KNTC1: variants seen among roughly 807,000 people sequenced by gnomAD.
KNTC1 encodes kinetochore associated 1, also known as kinetochore-associated protein 1.
KNTC1 carries 253 observed loss-of-function variants against 314.4 expected under a neutral mutation model. That is an observed-to-expected ratio of 0.80 (90% confidence interval 0.73 to 0.89). The LOEUF (loss-of-function observed/expected upper bound fraction) is 0.89, where lower values mean the gene tolerates loss of function less well. Ranked by LOEUF, KNTC1 falls within the 40% of genes least tolerant of loss-of-function variation. The pLI is 0.00. For missense variants in KNTC1, 2,475 were observed against 2,572.9 expected (o/e 0.96, Z 0.82); for synonymous variants, 901 against 901.4 (o/e 1.00, Z 0.01).
chr12:122,551,316 T>A lies in KNTC1; in HGVS notation c.1087-3T>A. On this transcript the variant is annotated splice_region_variant and splice_polypyrimidine_tract_variant and intron_variant, in intron 13 of 63. Coordinates refer to ENST00000333479, the MANE Select transcript of KNTC1 (RefSeq NM_014708.6). ...TTTTAATCATGTTTTTTTGTTATTG[T>A]AGGATACCATATACCTTTTAGAAGG... The A allele has an allele frequency of 6.5e-7, 1 of 1,548,266 alleles. No individual in the cohort carries two copies. Among genetic ancestry groups the A allele is most frequent in the Non-Finnish European group, 8.9e-7 (1 of 1,128,404 alleles).
intron 51 of KNTC1, among the ~76,000 whole-genome samples, chr12:122,606,785 T>TA (rs745393131): frequency 4.6e-5 from 7 of 152,252 alleles, no homozygotes; most frequent in East Asian, 1.9e-4. Context: ...TTGATACTCT[T>TA]ACGATATTTT....
intron 18 of KNTC1, among the ~76,000 whole-genome samples, chr12:122,559,263 G>A (rs933509660): frequency 1.3e-5 from 2 of 152,028 alleles, no homozygotes; most frequent in Admixed American, 6.6e-5. Flanking sequence ...GAAGGTAATC[G>A]CTTCAACCTG....
intron 43 of KNTC1, among the ~76,000 whole-genome samples, chr12:122,596,974 ACTT>A (rs1296346925): frequency 6.6e-6 from 1 of 151,544 alleles, no homozygotes; most frequent in African/African-American, 2.4e-5. Context: ...TTCCTTTTCT[ACTT>A]CTTTAAGATG....
chr12:122,614,894 G>T, intron 55 of KNTC1, 97 bp from the exon 56 acceptor site: 1 of 706,498 alleles, frequency 1.4e-6, no homozygotes. Context: ...AAAAAAAAAA[G>T]CAGCATATTT....
At position 122,600,280 on chromosome 12, in the gene KNTC1, A is replaced by T. The variant is rs976969208; in HGVS notation, c.4564-1256A>T. ...ATGCCGGCTAATTTTTGTATTTTTA[A>T]TAGAGACAAGATTTCGCCATGTTGG... On this transcript the variant is annotated intron_variant, in intron 44 of 63. Coordinates refer to ENST00000333479, the MANE Select transcript of KNTC1 (RefSeq NM_014708.6). Among the ~76,000 whole-genome samples the T allele has an allele frequency of 9.9e-5, 15 of 152,016 alleles. 1 individual carries two copies. The highest frequency in any genetic ancestry group is 3.6e-4 in the African/African-American group (15 of 41,392).
chr12:122,541,992 C>T (rs527966473), intron 5 of KNTC1, 58 bp from the exon 6 acceptor site: 39 of 1,445,110 alleles, frequency 2.7e-5, no homozygotes, highest in African/African-American at 2.3e-4. Context: ...TCCAGCCTAG[C>T]GACAGAATGA....
At chr12:122,536,873 A>G (rs1216543287) in intron 3 of KNTC1, among the ~76,000 whole-genome samples, 1 of 152,218 alleles carries the variant, frequency 6.6e-6, no homozygotes, top group Non-Finnish European at 1.5e-5. Context: ...ATAAGAACTT[A>G]GACAACTGAA....
rs1340519846 is a variant in KNTC1, at chr12:122,588,692, TTTTTCTTC to T, written c.3895-13_3895-6del. 2 of 1,474,892 alleles carry T rather than the reference TTTTTCTTC, an allele frequency of 1.4e-6. No homozygotes were observed. Among genetic ancestry groups the T allele is most frequent in the African/African-American group, 2.9e-5 (2 of 69,672 alleles). 91.4% of individuals were successfully genotyped at this position (1,474,892 alleles called of 1,614,324 possible). A position where few individuals can be genotyped will look rare whatever the true frequency, so the allele number is the denominator to read the frequency against. On this transcript the variant is annotated splice_polypyrimidine_tract_variant and intron_variant, in intron 39 of 63. Coordinates refer to ENST00000333479, the MANE Select transcript of KNTC1 (RefSeq NM_014708.6). ...TTATATAGAACTAGACCTAAATATTTTTTTCTTCTTTTCTAAAAGTTATTTGGAGAGAC... is the reference window on the plus strand; with the variant it reads ...TTATATAGAACTAGACCTAAATATTTTTTTCTAAAAGTTATTTGGAGAGAC...
chr12:122,593,287 CAG>C (rs1870566807), intron 42 of KNTC1: 2 of 138,452 alleles, frequency 1.4e-5, no homozygotes, highest in African/African-American at 5.6e-5. Context: ...TTTTTTGAGA[CAG>C]AGTCTTGCTC....
rs370713770 is a variant in KNTC1, at chr12:122,626,225, G to A, written c.6627G>A (p.Ser2209=). Residue 2209 remains serine, a synonymous_variant, in exon 64 of 64, where the codon TCG becomes TCA. Transcript: ENST00000333479. ...EILKMFLSGL[S] is the part of the protein sequence containing the mutation. ...TTTAGATGTTTCTTAGTGGATTATC[G>A]TAAATCACTGAACCTTTTTTTCAAG... 1.5e-5 allele frequency: 24 copies of A among 1,586,300 alleles called. No homozygotes were observed. The highest frequency in any genetic ancestry group is 2.7e-5 in the African/African-American group (2 of 74,470).
In KNTC1 at chr12:122,535,747, C is replaced by A. The variant is rs1593478350; in HGVS notation, c.250+963C>A. Among the ~76,000 whole-genome samples, 3 of 151,530 alleles carry A rather than the reference C, an allele frequency of 2.0e-5. No individual in the cohort carries two copies. In the East Asian group the frequency reaches 5.9e-4, roughly 30 times the overall value. On this transcript the variant is annotated intron_variant, in intron 3 of 63. Coordinates refer to ENST00000333479, the MANE Select transcript of KNTC1 (RefSeq NM_014708.6). ...AGGAGAATCGCTTGATCCCAGGAGGCAGAGGTTGCAGTGAGCCAAGATTAT... is the reference window on the plus strand; with the variant it reads ...AGGAGAATCGCTTGATCCCAGGAGGAAGAGGTTGCAGTGAGCCAAGATTAT...
Position 122,603,230 on chromosome 12 carries a change from G to C in KNTC1, c.5088G>C (p.Gln1696His). The stretch of plus-strand genomic sequence containing the variant: ...TAGCTATTGCCATCAGCCTTGCCCA[G>C]GATATCCCTGAAGGTATGAGCTCTT... ...WAVAIAISLA[Q>H]DIPEGSFKIS... The change falls in exon 48 of 64, where the codon CAG becomes CAC. Residue 1696 changes from glutamine (Q) to histidine (H), a missense_variant. By Grantham distance (24) the Gln-to-His change is conservative. Transcript: ENST00000333479. 6.2e-7 allele frequency: 1 copy of C among 1,604,464 alleles called. No homozygotes were observed. Among genetic ancestry groups the C allele is most frequent in the Non-Finnish European group, 8.5e-7 (1 of 1,175,574 alleles).
chr12:122,612,254 C>CG (rs1873222191), intron 53 of KNTC1, among the ~76,000 whole-genome samples: 2 of 151,016 alleles, frequency 1.3e-5, no homozygotes, highest in South Asian at 4.2e-4. Flanking sequence ...TTAGTAGAGA[C>CG]GGGGTTTCAC....
At chr12:122,543,764 C>G in intron 7 of KNTC1, 130 bp downstream of exon 7, 1 of 614,600 alleles carries the variant, frequency 1.6e-6, no homozygotes, top group South Asian at 2.5e-5. Flanking sequence ...ATTTTAATAA[C>G]ATTTCTATTT....
At position 122,568,370 on chromosome 12, in the gene KNTC1, C is replaced by T. The variant is rs199781100; in HGVS notation, c.1714C>T (p.Arg572Trp). Residue 572 changes from arginine to tryptophan, a missense_variant and splice_region_variant, in exon 21 of 64, where the codon CGG becomes TGG. Coordinates refer to ENST00000333479, the MANE Select transcript of KNTC1 (RefSeq NM_014708.6). ...TGCACAGTATCTTTGGCTTCGACATCGGGTAACATGTTTTACATTTTTTCC... is the reference window on the plus strand; with the variant it reads ...TGCACAGTATCTTTGGCTTCGACATTGGGTAACATGTTTTACATTTTTTCC... ...VCAQYLWLRH[R>W]ANFESRFDVK... 1.0e-4 allele frequency: 162 copies of T among 1,548,484 alleles called. No individual in the cohort carries two copies. The highest frequency in any genetic ancestry group is 3.0e-4 in the African/African-American group (22 of 73,596).
chr12:122,536,124 C>T (rs1403090326), intron 3 of KNTC1, among the ~76,000 whole-genome samples: 1 of 150,484 alleles, frequency 6.6e-6, no homozygotes, highest in African/African-American at 2.4e-5. Context: ...AGGATGGTCT[C>T]GATCTCCTGA....
chr12:122,601,387 T>G, intron 44 of KNTC1, 149 bp from the exon 45 acceptor site: 7 of 715,368 alleles, frequency 9.8e-6, no homozygotes, highest in Non-Finnish European at 1.2e-5. Context: ...GCCCGGCCGA[T>G]TGTAGCTCAT....
chr12:122,571,101 C>G lies in KNTC1; in HGVS notation c.1994C>G (p.Ala665Gly), dbSNP rs779952017. ...GAAAAAACAGACGAGTTGGGATTGG[C>G]ATCTTCCTGGCATTGGATTTCCTTG... is the stretch of plus-strand genomic sequence containing the variant. ...TAEKTDELGL[A>G]SSWHWISLKD... is the part of the protein sequence containing the mutation. The change falls in exon 24 of 64, where the codon GCA (alanine) becomes GGA (glycine). Residue 665 changes from alanine (A) to glycine (G), a missense_variant. Transcript: ENST00000333479. 6.2e-7 allele frequency: 1 copy of G among 1,613,140 alleles called. No individual in the cohort carries two copies. The highest frequency in any genetic ancestry group is 1.1e-5 in the South Asian group (1 of 91,050).
intron 33 of KNTC1, among the ~76,000 whole-genome samples, chr12:122,582,107 A>T (rs1049815997): frequency 2.6e-5 from 4 of 152,272 alleles, no homozygotes; most frequent in Non-Finnish European, 4.4e-5. Flanking sequence ...CCAGCTGTAA[A>T]TAGCTTTCTC....
Sources: gnomAD v4.1 joint callset for allele counts (sites outside exome capture counted in the v4.1 genomes callset) on GRCh38, gnomAD v4.1.1 for gene constraint, MANE v1.5 for transcripts, NCBI Gene and HGNC (gene_info 2026-07-23, HGNC 2026-07-21) for gene names.